PDHX: variants seen among roughly 807,000 people sequenced by gnomAD.
PDHX encodes pyruvate dehydrogenase complex component X, also known as pyruvate dehydrogenase protein X component, mitochondrial.
Under a neutral mutation model 55.3 loss-of-function variants are expected in PDHX, and 33 were observed. That is an observed-to-expected ratio of 0.60 (90% CI 0.45 to 0.80). PDHX has a LOEUF of 0.80. Ranked by LOEUF, PDHX falls within the 30% of genes least tolerant of loss-of-function variation. The pLI is 0.00. For synonymous variants in PDHX, 226 were observed against 219.4 expected (o/e 1.03, Z -0.27); for missense variants, 622 against 619.9 (o/e 1.00, Z -0.04).
rs80287489 is a variant in PDHX at position 34,927,687 on chromosome 11, A to G, written c.161-3717A>G. ...ATGAAATATGTACTTTTATTAACACATTAATGCTTATGAAATGATTTTTCT... is the reference window on the plus strand; with the variant it reads ...ATGAAATATGTACTTTTATTAACACGTTAATGCTTATGAAATGATTTTTCT... On this transcript the variant is annotated intron_variant, in intron 1 of 10. Transcript: ENST00000227868. Among the ~76,000 whole-genome samples, 1,261 of 152,256 alleles carry G rather than the reference A, an allele frequency of 8.3e-3. 10 individuals are homozygous for G. The highest frequency in any genetic ancestry group is 0.014 in the Non-Finnish European group (965 of 67,936).
chr11:34,944,083 G>GCA (rs1457782742), intron 2 of PDHX, among the ~76,000 whole-genome samples: 3 of 26,820 alleles, frequency 1.1e-4, no homozygotes, highest in African/African-American at 2.0e-4. Context: ...ACAAATATGT[G>GCA]TGTGTGTGTG....
intron 1 of PDHX, among the ~76,000 whole-genome samples, chr11:34,923,768 TCTAGGG>T (rs1853953302): frequency 6.6e-6 from 1 of 152,206 alleles, no homozygotes; most frequent in African/African-American, 2.4e-5. Flanking sequence ...TCTGGTTTGG[TCTAGGG>T]CTAGGATAAC....
intron 8 of PDHX, 49 bp from the exon 9 acceptor site, chr11:34,984,521 T>G (rs777465961): frequency 2.0e-6 from 3 of 1,518,624 alleles, no homozygotes; most frequent in African/African-American, 1.4e-5. Context: ...TGTAACCGCC[T>G]TGGTCTAAAG....
upstream of PDHX, chr11:34,916,373 T>C (rs1163649131): frequency 6.4e-7 from 1 of 1,564,940 alleles, no homozygotes; most frequent in Non-Finnish European, 8.7e-7. Context: ...AGGCCGCAAA[T>C]GCAATCAGGC....
At chr11:34,952,889 G>A (rs1156233751) in intron 3 of PDHX, among the ~76,000 whole-genome samples, 2 of 151,236 alleles carry the variant, frequency 1.3e-5, no homozygotes, top group African/African-American at 4.9e-5. Flanking sequence ...TAGGAAAAGA[G>A]GAAGTCAAAT....
chr11:34,965,676 T>G (rs1189518409), intron 5 of PDHX, among the ~76,000 whole-genome samples: 1 of 152,166 alleles, frequency 6.6e-6, no homozygotes, highest in Non-Finnish European at 1.5e-5. Context: ...GAATTCTTCC[T>G]ACCATGTTGC....
intron 2 of PDHX, among the ~76,000 whole-genome samples, chr11:34,932,441 C>T (rs899709542): frequency 1.5e-4 from 23 of 152,152 alleles, no homozygotes; most frequent in African/African-American, 5.6e-4. Context: ...AGATAGTTTA[C>T]AGAAAAATAA....
intron 1 of PDHX, 113 bp from the exon 2 acceptor site, chr11:34,931,291 T>C (rs1351664683): frequency 2.8e-6 from 2 of 704,458 alleles, no homozygotes; most frequent in Non-Finnish European, 2.6e-6. Context: ...TTTTAGACTT[T>C]GGAATACCTT....
At chr11:34,941,271 A>G (rs768618210) in intron 2 of PDHX, among the ~76,000 whole-genome samples, 9 of 152,184 alleles carry the variant, frequency 5.9e-5, no homozygotes, top group Non-Finnish European at 1.3e-4. Flanking sequence ...AACACTGACT[A>G]GGGGTCCCTC....
intron 3 of PDHX, among the ~76,000 whole-genome samples, chr11:34,948,039 A>G (rs567551032): frequency 1.3e-5 from 2 of 152,350 alleles, no homozygotes; most frequent in African/African-American, 4.8e-5. Context: ...GATTCATGTT[A>G]TATCTAAAAA....
chr11:34,938,719 A>G (rs1021115822), intron 2 of PDHX, among the ~76,000 whole-genome samples: 6 of 152,194 alleles, frequency 3.9e-5, no homozygotes, highest in South Asian at 2.1e-4. Context: ...CTCACTGGCA[A>G]TCTAATAAGT....
rs1853717738 is a variant in PDHX at position 34,916,666 on chromosome 11, C to G, written c.11C>G (p.Ser4Cys). The G allele has an allele frequency of 6.2e-7, 1 of 1,609,976 alleles. No individual in the cohort carries two copies. The highest frequency in any genetic ancestry group is 8.5e-7 in the Non-Finnish European group (1 of 1,179,968). ...GAGAAGGCCGTCAAGATGGCGGCCTCCTGGAGGCTGGGCTGTGATCCGCGG... is the reference window on the plus strand; with the variant it reads ...GAGAAGGCCGTCAAGATGGCGGCCTGCTGGAGGCTGGGCTGTGATCCGCGG... MAA[S>C]WRLGCDPRLL... The change falls in exon 1 of 11, where the codon TCC (serine) becomes TGC (cysteine). Residue 4 changes from serine (S) to cysteine (C), a missense_variant. Physicochemically the swap from Ser to Cys is moderately radical, Grantham distance 112. Coordinates refer to ENST00000227868, the MANE Select transcript of PDHX (RefSeq NM_003477.3).
chr11:34,985,599 G>A (rs1237381896), intron 9 of PDHX, among the ~76,000 whole-genome samples: 2 of 152,186 alleles, frequency 1.3e-5, no homozygotes, highest in Non-Finnish European at 2.9e-5. Context: ...AGCTTTGACA[G>A]CCTCAGTAAT....
chr11:34,983,089 T>C (rs1398544667), intron 8 of PDHX, among the ~76,000 whole-genome samples: 1 of 152,202 alleles, frequency 6.6e-6, no homozygotes, highest in East Asian at 1.9e-4. Flanking sequence ...CGAAGTTGGC[T>C]TCATCCCTGG....
intron 1 of PDHX, 42 bp downstream of exon 1, chr11:34,916,857 T>C: frequency 6.6e-7 from 1 of 1,512,954 alleles, no homozygotes; most frequent in Non-Finnish European, 9.0e-7. Flanking sequence ...TGTAGCTGAG[T>C]GATGGGCCTG....
chr11:34,973,940 A>T (rs569315373), intron 7 of PDHX, among the ~76,000 whole-genome samples: 1 of 152,316 alleles, frequency 6.6e-6, no homozygotes, highest in African/African-American at 2.4e-5. Flanking sequence ...AGATTGACTG[A>T]CAATAAATTT....
intron 9 of PDHX, among the ~76,000 whole-genome samples, chr11:34,990,172 T>C (rs1187082201): frequency 6.6e-6 from 1 of 152,204 alleles, no homozygotes; most frequent in Non-Finnish European, 1.5e-5. Context: ...TCATTACTTA[T>C]AACAGTATTA....
chr11:34,949,645 T>A (rs1177655251), intron 3 of PDHX, among the ~76,000 whole-genome samples: 1 of 152,236 alleles, frequency 6.6e-6, no homozygotes, highest in East Asian at 1.9e-4. Flanking sequence ...AGCAGCTGTT[T>A]TAAATGATAA....
rs1855599789 is a variant in PDHX, at chr11:34,984,600, G to A, written c.1054G>A (p.Gly352Arg). Reference sequence around the variant, plus strand: ...GCCAGATGTTAATGTAAGCTGGGATGGAGAGGGCCCAAAGCAACTGCCATT... The same window carrying A: ...GCCAGATGTTAATGTAAGCTGGGATAGAGAGGGCCCAAAGCAACTGCCATT... ...QMPDVNVSWDGEGPKQLPFID... is the reference protein window; with the variant it reads ...QMPDVNVSWDREGPKQLPFID... Residue 352 changes from glycine (G) to arginine (R), a missense_variant, in exon 9 of 11, where the codon GGA becomes AGA. Gly to Arg is a moderately radical substitution (Grantham distance 125). Coordinates refer to ENST00000227868, the MANE Select transcript of PDHX (RefSeq NM_003477.3). 3 of 1,614,042 alleles carry A rather than the reference G, an allele frequency of 1.9e-6. No homozygotes were observed. Among genetic ancestry groups the A allele is most frequent in the Non-Finnish European group, 2.5e-6 (3 of 1,179,960 alleles).
Sources: allele counts gnomAD v4.1 joint callset (sites outside exome capture counted in the v4.1 genomes callset), GRCh38; gene constraint gnomAD v4.1.1; transcripts MANE v1.5; gene names NCBI Gene and HGNC (gene_info 2026-07-23, HGNC 2026-07-21).